OTUD7A: variants seen among roughly 807,000 people sequenced by gnomAD.
OTUD7A encodes OTU domain-containing protein 7A.
In OTUD7A, 12 loss-of-function variants were observed where a neutral mutation model predicts 65.7. That is an observed-to-expected ratio of 0.18 (90% CI 0.12 to 0.30). The LOEUF is 0.30. OTUD7A is among the 10% of genes least tolerant of loss of function. The pLI is 1.00. For synonymous variants in OTUD7A, 641 were observed against 586.3 expected, an observed-to-expected ratio of 1.09 and a Z score of -1.35; for missense variants, 1,148 against 1,304.8, an observed-to-expected ratio of 0.88 and a Z score of 1.85.
chr15:31,617,784 A>T (rs780774994), intron 3 of OTUD7A, among the ~76,000 whole-genome samples: 129 of 151,814 alleles, frequency 8.5e-4, no homozygotes, highest in Non-Finnish European at 1.6e-3. Context: ...TTATTTTTTA[A>T]TTTTTTTATT....
chr15:31,717,704 T>C (rs1046959305), intron 1 of OTUD7A, among the ~76,000 whole-genome samples: 1 of 152,208 alleles, frequency 6.6e-6, no homozygotes, highest in African/African-American at 2.4e-5. Flanking sequence ...TAAACATACA[T>C]GTGCATGTGT....
intron 1 of OTUD7A, among the ~76,000 whole-genome samples, chr15:31,853,149 C>T (rs1567056262): frequency 6.6e-6 from 1 of 152,242 alleles, no homozygotes; most frequent in African/African-American, 2.4e-5. Flanking sequence ...CAAACAAAAA[C>T]TCTTCTTGGA....
In OTUD7A at chr15:31,527,432, T is replaced by C. The variant is rs1020436382; in HGVS notation, c.653-124A>G. The C allele has an allele frequency of 2.8e-5, 36 of 1,280,932 alleles. No homozygotes were observed. The Middle Eastern group carries it at 6.3e-4, about 22-fold the overall frequency. 79.3% of individuals were successfully genotyped at this position (1,280,932 alleles called of 1,614,324 possible). A position where few individuals can be genotyped will look rare whatever the true frequency, so the allele number is the denominator to read the frequency against. Reference sequence around the variant, plus strand: ...CTGTCTGCACGCAGAACAGCCTCCTTACTCAGCGGTTCTGTTAATTCCCCT... The same window carrying C: ...CTGTCTGCACGCAGAACAGCCTCCTCACTCAGCGGTTCTGTTAATTCCCCT... On this transcript the variant is annotated intron_variant, in intron 6 of 12. Transcript: ENST00000307050.
At chr15:31,670,944 G>A (rs768571338) in intron 1 of OTUD7A, among the ~76,000 whole-genome samples, 16 of 151,652 alleles carry the variant, frequency 1.1e-4, no homozygotes, top group Non-Finnish European at 2.2e-4. Flanking sequence ...GCAGTGAGCC[G>A]AGATTGCACC....
At chr15:31,869,943 T>G (rs779639293) in intron 1 of OTUD7A, among the ~76,000 whole-genome samples, 1 of 152,086 alleles carries the variant, frequency 6.6e-6, no homozygotes, top group Admixed American at 6.5e-5. Flanking sequence ...ATTGCCTTAA[T>G]GGTTTGCCTG....
At chr15:31,740,707 T>C (rs1202765582) in intron 1 of OTUD7A, among the ~76,000 whole-genome samples, 2 of 152,154 alleles carry the variant, frequency 1.3e-5, no homozygotes, top group African/African-American at 4.8e-5. Flanking sequence ...TGCCACTAAT[T>C]AAATTAAATG....
intron 1 of OTUD7A, chr15:31,787,452 A>T (rs1476191402): frequency 6.6e-6 from 1 of 152,222 alleles, no homozygotes; most frequent in Non-Finnish European, 1.5e-5. Flanking sequence ...TTAAAGATGG[A>T]GGGAAATTCA....
rs1890535308 is a variant in OTUD7A, at chr15:31,614,792, A to G, written c.151+40304T>C. Among the ~76,000 whole-genome samples the G allele has an allele frequency of 5.3e-5, 8 of 152,318 alleles. No homozygotes were observed. The South Asian group carries it at 1.7e-3, about 32-fold the overall frequency. ...TTATAGCCAAGTGGGTATTGACCCTATAGAAAATAACGTTGCCCTACGGAA... is the reference window on the plus strand; with the variant it reads ...TTATAGCCAAGTGGGTATTGACCCTGTAGAAAATAACGTTGCCCTACGGAA... On this transcript the variant is annotated intron_variant, in intron 3 of 12. Coordinates refer to ENST00000307050, the MANE Select transcript of OTUD7A (RefSeq NM_001382637.1).
chr15:31,864,636 T>C (rs1341123522), intron 1 of OTUD7A, among the ~76,000 whole-genome samples: 6 of 152,088 alleles, frequency 3.9e-5, no homozygotes, highest in Admixed American at 3.3e-4. Flanking sequence ...TTCTGGGAGA[T>C]ACAATTCAAG....
chr15:31,769,742 G>A (rs1895184006), intron 1 of OTUD7A, among the ~76,000 whole-genome samples: 1 of 152,162 alleles, frequency 6.6e-6, no homozygotes, highest in South Asian at 2.1e-4. Context: ...CCATTTTTAT[G>A]ACACCCTGAA....
chr15:31,846,351 T>G (rs1897293177), intron 1 of OTUD7A, among the ~76,000 whole-genome samples: 2 of 152,100 alleles, frequency 1.3e-5, no homozygotes, highest in African/African-American at 4.8e-5. Context: ...AGGAAGGGTA[T>G]GGGATTACAT....
At chr15:31,535,133 T>C (rs1222494599) in intron 5 of OTUD7A, among the ~76,000 whole-genome samples, 1 of 152,208 alleles carries the variant, frequency 6.6e-6, no homozygotes, top group Non-Finnish European at 1.5e-5. Context: ...CTGATATCGG[T>C]TTGGCTCTGT....
chr15:31,635,687 G>A (rs1891319172), intron 3 of OTUD7A, among the ~76,000 whole-genome samples: 1 of 152,196 alleles, frequency 6.6e-6, no homozygotes, highest in African/African-American at 2.4e-5. Context: ...ATGCCTAAGT[G>A]GGGTTTGAAA....
At chr15:31,533,858 T>C (rs1460677354) in intron 5 of OTUD7A, among the ~76,000 whole-genome samples, 1 of 152,242 alleles carries the variant, frequency 6.6e-6, no homozygotes, top group Non-Finnish European at 1.5e-5. Context: ...TTTCAATGTA[T>C]GTTGAATAAA....
At chr15:31,699,091 T>A (rs948373618) in intron 1 of OTUD7A, among the ~76,000 whole-genome samples, 1 of 148,846 alleles carries the variant, frequency 6.7e-6, no homozygotes, top group African/African-American at 2.5e-5. Flanking sequence ...CTTTTTTTTT[T>A]TTTTTTGAGA....
intron 8 of OTUD7A, among the ~76,000 whole-genome samples, chr15:31,521,561 G>A (rs1019915721): frequency 7.9e-5 from 12 of 152,092 alleles, no homozygotes; most frequent in Non-Finnish European, 1.3e-4. Context: ...CCCATGGCCC[G>A]GGAGCACCAG....
chr15:31,634,585 G>A (rs963775267), intron 3 of OTUD7A, among the ~76,000 whole-genome samples: 3 of 152,190 alleles, frequency 2.0e-5, no homozygotes, highest in African/African-American at 7.2e-5. Context: ...GCTCATGGCC[G>A]GAGTTCCCTC....
intron 1 of OTUD7A, among the ~76,000 whole-genome samples, chr15:31,837,817 C>CTT (rs1328211859): frequency 6.6e-6 from 1 of 152,066 alleles, no homozygotes; most frequent in East Asian, 1.9e-4. Context: ...GTTGGAATAG[C>CTT]TAAAATAACT....
rs572665239 is a variant in OTUD7A, at chr15:31,677,505, T to C, written c.-99-20428A>G. Among the ~76,000 whole-genome samples the C allele has an allele frequency of 1.6e-4, 24 of 152,226 alleles. No individual in the cohort carries two copies. The South Asian group carries it at 5.0e-3, about 32-fold the overall frequency. On this transcript the variant is annotated intron_variant, in intron 1 of 12. Coordinates refer to ENST00000307050, the MANE Select transcript of OTUD7A (RefSeq NM_001382637.1). ...AAGGGTGGGATCAGGTGGAGGTAAT[T>C]GGATCATGGGGGTGGTTTCCCCCAT...
Sources: allele counts gnomAD v4.1 joint callset (sites outside exome capture counted in the v4.1 genomes callset), GRCh38; gene constraint gnomAD v4.1.1; transcripts MANE v1.5; gene names NCBI Gene and HGNC (gene_info 2026-07-23, HGNC 2026-07-21).